CDK19: variants seen among roughly 807,000 people sequenced by gnomAD.
CDK19 encodes cyclin dependent kinase 19.
CDK19 carries 20 observed loss-of-function variants against 68.3 expected under a neutral mutation model. That is an observed-to-expected ratio of 0.29 (90% confidence interval 0.21 to 0.43). CDK19 has a LOEUF of 0.43. Ranked by LOEUF, CDK19 falls within the 20% of genes least tolerant of loss-of-function variation. The pLI, the probability that CDK19 is intolerant of heterozygous loss-of-function variation, is 1.00. For synonymous variants in CDK19, 221 were observed against 222.8 expected (o/e 0.99, Z 0.07); for missense variants, 339 against 623.5 (o/e 0.54, Z 4.86).
At chr6:110,707,258 C>T (rs977179180) in intron 2 of CDK19, among the ~76,000 whole-genome samples, 1 of 152,028 alleles carries the variant, frequency 6.6e-6, no homozygotes, top group African/African-American at 2.4e-5. Context: ...ACCACTGGAA[C>T]CCGGAAGGCA....
At chr6:110,736,532 C>A (rs984447972) in intron 2 of CDK19, among the ~76,000 whole-genome samples, 27 of 152,142 alleles carry the variant, frequency 1.8e-4, no homozygotes, top group African/African-American at 6.3e-4. Flanking sequence ...AAAAATATAT[C>A]TTTTTTTAGT....
chr6:110,648,412 C>T (rs564286648), intron 4 of CDK19, among the ~76,000 whole-genome samples: 35 of 151,898 alleles, frequency 2.3e-4, no homozygotes, highest in Non-Finnish European at 4.1e-4. Context: ...AAAAAAAGAG[C>T]TAGGAAATAT....
chr6:110,723,150 A>C lies in CDK19; in HGVS notation c.204+22976T>G, dbSNP rs369543798. On this transcript the variant is annotated intron_variant, in intron 2 of 12. Transcript: ENST00000368911. ...AAGGCTTTGTCAAAAAAAACAAAAA[A>C]CAAAAAAAAAAACGCAGATTTGTCC... Among the ~76,000 whole-genome samples, 10 of 91,662 alleles carry C rather than the reference A, an allele frequency of 1.1e-4. 1 individual carries two copies. The highest frequency in any genetic ancestry group is 2.1e-4 in the East Asian group (1 of 4,832). The allele number at this position is 91,662 out of a possible 152,430, so 60.1% of individuals were successfully genotyped here.
chr6:110,691,130 A>T (rs2817774), intron 2 of CDK19, among the ~76,000 whole-genome samples: 55,074 of 151,736 alleles, frequency 0.36, 11,923 homozygotes, highest in East Asian at 0.69. Context: ...GAAATTTTTT[A>T]AAAAAAATCC....
At chr6:110,646,553 T>C (rs1216706033) in intron 4 of CDK19, 3 of 1,126,172 alleles carry the variant, frequency 2.7e-6, no homozygotes, top group Non-Finnish European at 3.6e-6. Flanking sequence ...GCTTAAGTCG[T>C]GCTGAGTACG....
chr6:110,745,694 T>C (rs1167502690), intron 2 of CDK19, among the ~76,000 whole-genome samples: 1 of 152,154 alleles, frequency 6.6e-6, no homozygotes, highest in African/African-American at 2.4e-5. Flanking sequence ...GGGCTACATA[T>C]GGTGGCTCAC....
At chr6:110,770,263 G>A (rs1213617985) in intron 1 of CDK19, among the ~76,000 whole-genome samples, 1 of 151,796 alleles carries the variant, frequency 6.6e-6, no homozygotes, top group East Asian at 1.9e-4. Context: ...TTTTCATGCT[G>A]CTGATAAAGA....
intron 2 of CDK19, among the ~76,000 whole-genome samples, chr6:110,696,449 A>G (rs9374196): frequency 0.18 from 28,096 of 152,132 alleles, 2,849 homozygotes; most frequent in South Asian, 0.39. Context: ...AGACAAGGAT[A>G]CCCACTTTCC....
At chr6:110,797,367 CTGT>C (rs1782013178) in intron 1 of CDK19, among the ~76,000 whole-genome samples, 1 of 151,900 alleles carries the variant, frequency 6.6e-6, no homozygotes, top group South Asian at 2.1e-4. Flanking sequence ...AAGGCTTTTT[CTGT>C]ATTCAAAAAA....
At chr6:110,617,505 C>A (rs905161715) in intron 12 of CDK19, among the ~76,000 whole-genome samples, 1 of 151,780 alleles carries the variant, frequency 6.6e-6, no homozygotes, top group Non-Finnish European at 1.5e-5. Flanking sequence ...AATTTCTGGC[C>A]GGGCACAGTG....
chr6:110,612,547 G>A lies in CDK19; in HGVS notation c.*1988C>T. 6.6e-6 allele frequency: 1 copy of A among 152,300 alleles called. No individual in the cohort carries two copies. The highest frequency in any genetic ancestry group is 1.9e-4 in the East Asian group (1 of 5,194). 9.4% of individuals were successfully genotyped at this position (152,300 alleles called of 1,614,324 possible). On this transcript the variant is annotated 3_prime_UTR_variant, in exon 13 of 13. Coordinates refer to ENST00000368911, the MANE Select transcript of CDK19 (RefSeq NM_015076.5). ...ATCACAAGCTCCTTAAGGACAAGAA[G>A]TATGCCCTGTCCTCTGTGTTCTCTA... is the stretch of plus-strand genomic sequence containing the variant.
At chr6:110,671,262 G>T (rs547477430) in intron 2 of CDK19, among the ~76,000 whole-genome samples, 1 of 152,096 alleles carries the variant, frequency 6.6e-6, no homozygotes, top group Non-Finnish European at 1.5e-5. Context: ...AGCACTTTGC[G>T]CATAACAGAC....
chr6:110,777,147 C>T (rs1780460984), intron 1 of CDK19, among the ~76,000 whole-genome samples: 1 of 152,116 alleles, frequency 6.6e-6, no homozygotes, highest in Non-Finnish European at 1.5e-5. Flanking sequence ...GCTATATATT[C>T]CTCAGCATAT....
chr6:110,815,130 A>G lies in CDK19; in HGVS notation c.7T>C (p.Tyr3His). The change falls in exon 1 of 13, where the codon TAT becomes CAT. Residue 3 changes from tyrosine to histidine, a missense_variant. By Grantham distance (83) the Tyr-to-His change is moderately conservative. This residue lies in a region of CDK19 where 120 missense variants were observed against 224.0 expected (regional missense o/e 0.54). Coordinates refer to ENST00000368911, the MANE Select transcript of CDK19 (RefSeq NM_015076.5). MD[Y>H]DFKAKLAAER... is the part of the protein sequence containing the mutation. ...GCCGCCAGCTTCGCCTTGAAATCAT[A>G]ATCCATTGTCTGCTTCCCCCATAGA... is the stretch of plus-strand genomic sequence containing the variant. 1 of 1,598,014 alleles carries G rather than the reference A, an allele frequency of 6.3e-7. No individual in the cohort carries two copies. Among genetic ancestry groups the G allele is most frequent in the Non-Finnish European group, 8.5e-7 (1 of 1,173,686 alleles).
intron 2 of CDK19, among the ~76,000 whole-genome samples, chr6:110,743,309 C>T (rs560134423): frequency 1.6e-4 from 24 of 152,224 alleles, no homozygotes; most frequent in African/African-American, 5.5e-4. Flanking sequence ...AGAAACTGCA[C>T]ACTTTCTAAA....
chr6:110,814,976 G>A, intron 1 of CDK19, 33 bp downstream of exon 1: 4 of 1,597,700 alleles, frequency 2.5e-6, no homozygotes, highest in Non-Finnish European at 3.4e-6. Context: ...GCGAGGACCC[G>A]AGCGAGCCTA....
intron 2 of CDK19, among the ~76,000 whole-genome samples, chr6:110,682,554 G>C (rs540087010): frequency 2.0e-5 from 3 of 152,260 alleles, no homozygotes; most frequent in Admixed American, 6.5e-5. Flanking sequence ...AAAGGGGTCT[G>C]TACAGACTAA....
At chr6:110,716,464 A>G (rs1252159065) in intron 2 of CDK19, among the ~76,000 whole-genome samples, 1 of 152,184 alleles carries the variant, frequency 6.6e-6, no homozygotes, top group African/African-American at 2.4e-5. Context: ...GGAACAGTAC[A>G]CACTGTATGA....
At chr6:110,792,411 T>C (rs13192266) in intron 1 of CDK19, among the ~76,000 whole-genome samples, 1 of 152,004 alleles carries the variant, frequency 6.6e-6, no homozygotes, top group Non-Finnish European at 1.5e-5. Flanking sequence ...TTTGTTGTTG[T>C]CTTGCTCTGT....
Sources: allele counts gnomAD v4.1 joint callset (sites outside exome capture counted in the v4.1 genomes callset), GRCh38; gene constraint gnomAD v4.1.1; regional missense constraint gnomAD v4.1.1; transcripts MANE v1.5; gene names NCBI Gene and HGNC (gene_info 2026-07-23, HGNC 2026-07-21).